Variants in PARD3B observed in about 807,000 individuals in gnomAD.
PARD3B encodes the protein par-3 family cell polarity regulator beta.
PARD3B carries 103 observed loss-of-function variants against 130.2 expected under a neutral mutation model. The ratio of observed to expected loss-of-function variants is 0.79; its 90% confidence interval spans 0.67 to 0.93. PARD3B has a LOEUF of 0.93. PARD3B is among the 40% of genes least tolerant of loss of function. The probability of loss-of-function intolerance (pLI) is 0.00; values close to 1 mark genes in which losing one functional copy is unlikely to be tolerated. For synonymous variants in PARD3B, 583 were observed against 553.2 expected (o/e 1.05, Z -0.76); for missense variants, 1,609 against 1,499.2 (o/e 1.07, Z -1.21).
intron 10 of PARD3B, among the ~76,000 whole-genome samples, chr2:205,138,349 T>G (rs896411770): frequency 2.6e-5 from 4 of 152,166 alleles, no homozygotes; most frequent in Non-Finnish European, 5.9e-5. Context: ...GACATATACG[T>G]GCATTTCTCT....
At chr2:205,197,347 G>C (rs548245957) in intron 15 of PARD3B, among the ~76,000 whole-genome samples, 1 of 151,958 alleles carries the variant, frequency 6.6e-6, no homozygotes, top group African/African-American at 2.4e-5. Context: ...TTAAATCTTC[G>C]ATTCTTTTTC....
At chr2:205,608,609 A>C (rs1460870597) in intron 22 of PARD3B, among the ~76,000 whole-genome samples, 1 of 152,118 alleles carries the variant, frequency 6.6e-6, no homozygotes, top group Non-Finnish European at 1.5e-5. Context: ...ACCCACTTTA[A>C]AAACCTCTCA....
intron 3 of PARD3B, among the ~76,000 whole-genome samples, chr2:204,993,505 A>G (rs200232937): frequency 0.043 from 3,989 of 93,820 alleles, 81 homozygotes; most frequent in Middle Eastern, 0.065. Flanking sequence ...GGATTTTTGC[A>G]TCAATGTTTA....
chr2:205,343,419 T>C (rs146385392), intron 18 of PARD3B, among the ~76,000 whole-genome samples: 510 of 152,314 alleles, frequency 3.3e-3, no homozygotes, highest in African/African-American at 0.012. Flanking sequence ...CCTGATGTGA[T>C]TGATTTTCAC....
rs2041970002 is a variant in PARD3B at position 205,300,814 on chromosome 2, C to G, written c.2392+78C>G. The G allele has an allele frequency of 7.4e-7, 1 of 1,353,564 alleles. No homozygotes were observed. The highest frequency in any genetic ancestry group is 2.2e-5 in the Admixed American group (1 of 45,110). 83.8% of individuals were successfully genotyped at this position (1,353,564 alleles called of 1,614,324 possible). On this transcript the variant is annotated intron_variant, in intron 17 of 22. Transcript: ENST00000406610. The surrounding 1 kb of genome is among the most constrained non-coding windows in gnomAD (Gnocchi z 4.1). ...ATCATGGGCAAGAATGTGTGCTCAA[C>G]TACAGAAAAAAATGATTTAAGGATC...
At chr2:205,363,832 C>CTTT (rs59271830) in intron 18 of PARD3B, among the ~76,000 whole-genome samples, 3 of 97,202 alleles carry the variant, frequency 3.1e-5, no homozygotes, top group African/African-American at 6.3e-5. Context: ...GCCTGACTGA[C>CTTT]TTTTTTTTTT....
intron 1 of PARD3B, among the ~76,000 whole-genome samples, chr2:204,557,006 AT>A (rs374055935): frequency 2.2e-3 from 310 of 143,724 alleles, no homozygotes; most frequent in Middle Eastern, 7.2e-3. Context: ...GCTTTTCAGG[AT>A]TTTTTTTTTT....
chr2:204,799,256 G>A lies in PARD3B; in HGVS notation c.222+112974G>A, dbSNP rs1212791892. ...GCAGTACTTGCCCTGGGCCTGGGTC[G>A]CTGGTGGCTGCAGGGAAACTCCCTC... On this transcript the variant is annotated intron_variant, in intron 2 of 22. Coordinates refer to ENST00000406610, the MANE Select transcript of PARD3B (RefSeq NM_001302769.2). This position sits in a 1 kb window ranked among gnomAD's most constrained non-coding sequence, Gnocchi z 4.1. Among the ~76,000 whole-genome samples, 6 of 152,176 alleles carry A rather than the reference G, an allele frequency of 3.9e-5. No individual in the cohort carries two copies. The highest frequency in any genetic ancestry group is 6.5e-5 in the Admixed American group (1 of 15,284).
intron 3 of PARD3B, among the ~76,000 whole-genome samples, chr2:204,993,915 C>T (rs1216578799): frequency 3.6e-4 from 55 of 151,540 alleles, no homozygotes; most frequent in African/African-American, 9.4e-4. Context: ...TCTGTGGGAT[C>T]GGTGGTGATA....
intron 3 of PARD3B, among the ~76,000 whole-genome samples, chr2:205,022,531 T>A (rs1380211889): frequency 6.6e-6 from 1 of 152,138 alleles, no homozygotes; most frequent in African/African-American, 2.4e-5. Context: ...GTTTAGCAAA[T>A]AATTTGTCTA....
chr2:205,492,213 A>G (rs1462689067), intron 20 of PARD3B, among the ~76,000 whole-genome samples: 2 of 152,184 alleles, frequency 1.3e-5, no homozygotes, highest in Non-Finnish European at 2.9e-5. Context: ...CTCACCTACT[A>G]AGAGGTATCA....
intron 18 of PARD3B, among the ~76,000 whole-genome samples, chr2:205,362,129 T>C (rs996813416): frequency 1.3e-5 from 2 of 152,224 alleles, no homozygotes; most frequent in African/African-American, 4.8e-5. Context: ...AGATTCTTGC[T>C]AAAAGAAGCT....
chr2:204,887,842 T>C lies in PARD3B; in HGVS notation c.223-77310T>C, dbSNP rs780088172. ...ACAGTGCATGGTGCAATGCCAGAAG[T>C]TGACACTGTCATTGGGTGCTGTGGA... On this transcript the variant is annotated intron_variant, in intron 2 of 22. Coordinates refer to ENST00000406610, the MANE Select transcript of PARD3B (RefSeq NM_001302769.2). The surrounding 1 kb of genome is among the most constrained non-coding windows in gnomAD (Gnocchi z 4.2). Among the ~76,000 whole-genome samples, 3 of 152,042 alleles carry C rather than the reference T, an allele frequency of 2.0e-5. No individual in the cohort carries two copies. The highest frequency in any genetic ancestry group is 6.6e-5 in the Admixed American group (1 of 15,260).
chr2:204,648,244 A>G (rs1443677775), intron 1 of PARD3B, among the ~76,000 whole-genome samples: 2 of 151,500 alleles, frequency 1.3e-5, no homozygotes, highest in Non-Finnish European at 3.0e-5. Flanking sequence ...ACCATAATCT[A>G]TATTTTAAAA....
At chr2:205,139,830 G>T (rs2032800787) in intron 10 of PARD3B, among the ~76,000 whole-genome samples, 2 of 152,272 alleles carry the variant, frequency 1.3e-5, no homozygotes, top group South Asian at 4.1e-4. Context: ...AATCATGTGT[G>T]TCCTAACTGG....
chr2:204,995,398 G>C (rs1694082859), intron 3 of PARD3B, among the ~76,000 whole-genome samples: 1 of 146,834 alleles, frequency 6.8e-6, no homozygotes, highest in African/African-American at 2.5e-5. Flanking sequence ...TAAGAATGTT[G>C]AATATTGGCC....
chr2:204,613,847 G>C (rs1301707834), intron 1 of PARD3B, among the ~76,000 whole-genome samples: 1 of 151,960 alleles, frequency 6.6e-6, no homozygotes, highest in Non-Finnish European at 1.5e-5. Context: ...TCTTTCCTTA[G>C]GGTTATTTAT....
intron 2 of PARD3B, among the ~76,000 whole-genome samples, chr2:204,732,993 C>CT (rs532165545): frequency 3.4e-4 from 51 of 151,104 alleles, no homozygotes; most frequent in African/African-American, 8.7e-4. Context: ...CATGATGGTG[C>CT]TTTTTTTTTA....
intron 2 of PARD3B, among the ~76,000 whole-genome samples, chr2:204,820,574 G>A (rs548410077): frequency 6.6e-6 from 1 of 151,928 alleles, no homozygotes. Context: ...CAGCACTTTG[G>A]GGGGCTGAGG....
Sources: gnomAD v4.1 joint callset for allele counts (sites outside exome capture counted in the v4.1 genomes callset) on GRCh38, gnomAD v4.1.1 for gene constraint, Gnocchi (gnomAD v3.1) non-coding constraint, MANE v1.5 for transcripts, NCBI Gene and HGNC (gene_info 2026-07-23, HGNC 2026-07-21) for gene names.